Variants in CLASP1 observed in about 807,000 individuals in gnomAD.
The protein encoded by CLASP1 is CLIP-associating protein 1.
CLASP1 carries 38 observed loss-of-function variants against 192.3 expected under a neutral mutation model. The ratio of observed to expected loss-of-function variants is 0.20; its 90% confidence interval spans 0.15 to 0.26. The LOEUF is 0.26. Ranked by LOEUF, CLASP1 falls within the 10% of genes least tolerant of loss-of-function variation. CLASP1 has a pLI of 1.00. For synonymous variants in CLASP1, 691 were observed against 712.8 expected, an observed-to-expected ratio of 0.97 and a Z score of 0.49; for missense variants, 1,433 against 1,932.5, an observed-to-expected ratio of 0.74 and a Z score of 4.85.
At chr2:121,540,929 C>T (rs1249695080) in intron 2 of CLASP1, among the ~76,000 whole-genome samples, 7 of 152,136 alleles carry the variant, frequency 4.6e-5, no homozygotes, top group African/African-American at 1.2e-4. Context: ...TCCTAAGCAA[C>T]GTTCTATTTC....
intron 2 of CLASP1, among the ~76,000 whole-genome samples, chr2:121,574,307 G>A (rs377426395): frequency 2.0e-5 from 3 of 146,822 alleles, no homozygotes; most frequent in South Asian, 2.2e-4. Flanking sequence ...CAGCCTGGGC[G>A]ACAGAGCCAG....
intron 2 of CLASP1, among the ~76,000 whole-genome samples, chr2:121,547,880 T>TA (rs1410303558): frequency 6.6e-6 from 1 of 152,032 alleles, no homozygotes; most frequent in Admixed American, 6.6e-5. Flanking sequence ...TCAAAGACCC[T>TA]AAACAAAGAC....
intron 1 of CLASP1, among the ~76,000 whole-genome samples, chr2:121,645,163 C>A (rs1402361772): frequency 6.6e-6 from 1 of 152,104 alleles, no homozygotes; most frequent in Non-Finnish European, 1.5e-5. Context: ...CCTCTTGGTA[C>A]CTGATGCTCA....
At chr2:121,626,734 A>G (rs1162086613) in intron 1 of CLASP1, among the ~76,000 whole-genome samples, 6 of 152,164 alleles carry the variant, frequency 3.9e-5, no homozygotes, top group African/African-American at 1.2e-4. Context: ...CAGAACCAAG[A>G]TTTGAACTTC....
intron 1 of CLASP1, among the ~76,000 whole-genome samples, chr2:121,632,340 G>C (rs565804028): frequency 1.9e-4 from 29 of 152,268 alleles, no homozygotes; most frequent in Admixed American, 9.2e-4. Context: ...GTTAAGGCAC[G>C]TAACTTTTAA....
intron 14 of CLASP1, among the ~76,000 whole-genome samples, chr2:121,455,975 G>A (rs1487054533): frequency 6.6e-6 from 1 of 152,128 alleles, no homozygotes; most frequent in African/African-American, 2.4e-5. Context: ...GTAGATAGGA[G>A]TAAGTTCAAG....
chr2:121,430,172 T>A (rs1444716442), exon 20 of CLASP1: 1 of 1,564,018 alleles, frequency 6.4e-7, no homozygotes, highest in South Asian at 1.2e-5. Context: ...CTTGTGCGGA[T>A]CCGACCTGGA....
intron 8 of CLASP1, among the ~76,000 whole-genome samples, chr2:121,480,934 CA>C (rs1234764612): frequency 1.3e-5 from 2 of 152,228 alleles, no homozygotes; most frequent in African/African-American, 4.8e-5. Context: ...AAAGCAGAGT[CA>C]GGGGCAGTGA....
At chr2:121,553,088 AAACAG>A (rs2058192726) in intron 2 of CLASP1, among the ~76,000 whole-genome samples, 1 of 152,236 alleles carries the variant, frequency 6.6e-6, no homozygotes, top group Non-Finnish European at 1.5e-5. Flanking sequence ...ACTAATGCAG[AAACAG>A]AAAACCAAAT....
intron 14 of CLASP1, among the ~76,000 whole-genome samples, chr2:121,456,256 T>C (rs2086635033): frequency 6.6e-6 from 1 of 151,402 alleles, no homozygotes; most frequent in African/African-American, 2.4e-5. Flanking sequence ...TCCCAGCACT[T>C]TGGGAGATCA....
At chr2:121,361,814 G>C (rs993353209) in intron 37 of CLASP1, among the ~76,000 whole-genome samples, 1 of 152,204 alleles carries the variant, frequency 6.6e-6, no homozygotes, top group African/African-American at 2.4e-5. Flanking sequence ...TTGTTCAAAT[G>C]TGAGTTATTA....
At chr2:121,544,037 T>C (rs1447970256) in intron 2 of CLASP1, among the ~76,000 whole-genome samples, 2 of 152,226 alleles carry the variant, frequency 1.3e-5, no homozygotes, top group African/African-American at 2.4e-5. Context: ...TCCGCGATTA[T>C]GTGGCTTAAA....
exon 35 of CLASP1, chr2:121,367,708 A>C: frequency 6.2e-7 from 1 of 1,613,986 alleles, no homozygotes; most frequent in South Asian, 1.1e-5. Flanking sequence ...GGCCCCGGGA[A>C]GGCGCGCGGA....
intron 15 of CLASP1, among the ~76,000 whole-genome samples, 192 bp downstream of exon 15, chr2:121,451,598 T>G (rs778621040): frequency 2.0e-5 from 3 of 152,222 alleles, no homozygotes; most frequent in Non-Finnish European, 4.4e-5. Context: ...ATAGTAGTAT[T>G]TCAACCAATG....
At chr2:121,634,013 A>C (rs1030897211) in intron 1 of CLASP1, among the ~76,000 whole-genome samples, 2 of 150,848 alleles carry the variant, frequency 1.3e-5, no homozygotes, top group African/African-American at 4.9e-5. Context: ...AAAAAAAAAA[A>C]CCAGACCCCA....
At chr2:121,547,065 G>A (rs561359589) in intron 2 of CLASP1, among the ~76,000 whole-genome samples, 1 of 152,282 alleles carries the variant, frequency 6.6e-6, no homozygotes, top group African/African-American at 2.4e-5. Flanking sequence ...CAAGGCAACT[G>A]GGACTGGAGT....
intron 2 of CLASP1, among the ~76,000 whole-genome samples, chr2:121,582,650 A>G (rs1240257791): frequency 6.6e-6 from 1 of 151,706 alleles, no homozygotes; most frequent in African/African-American, 2.4e-5. Flanking sequence ...AGAGAGAGGG[A>G]GAGAGAGGGA....
At chr2:121,516,608 C>T (rs1225851962) in intron 6 of CLASP1, among the ~76,000 whole-genome samples, 3 of 152,254 alleles carry the variant, frequency 2.0e-5, no homozygotes, top group Non-Finnish European at 4.4e-5. Flanking sequence ...AATTTGAATA[C>T]GGACTGTATA....
chr2:121,345,856 G>A (rs560409387), intron 39 of CLASP1, among the ~76,000 whole-genome samples: 1 of 152,324 alleles, frequency 6.6e-6, no homozygotes, highest in East Asian at 1.9e-4. Flanking sequence ...AGTGATGGGT[G>A]CTATTGGCAC....
Sources: allele counts gnomAD v4.1 joint callset (sites outside exome capture counted in the v4.1 genomes callset), GRCh38; gene constraint gnomAD v4.1.1; transcripts MANE v1.5; gene names NCBI Gene and HGNC (gene_info 2026-07-23, HGNC 2026-07-21).